GPR4: variants seen among roughly 807,000 people sequenced by gnomAD.
GPR4 encodes G protein-coupled receptor 4.
In GPR4, 11 loss-of-function variants were observed where a neutral mutation model predicts 17.8. The ratio of observed to expected loss-of-function variants is 0.62; its 90% CI spans 0.39 to 1.02. The LOEUF (loss-of-function observed/expected upper bound fraction) is 1.02, where lower values mean the gene tolerates loss of function less well. GPR4 is among the 50% of genes least tolerant of loss of function. The pLI is 0.00. For synonymous variants in GPR4, 219 were observed against 222.8 expected (o/e 0.98, Z 0.15); for missense variants, 364 against 495.4 (o/e 0.73, Z 2.52).
intron 1 of GPR4, among the ~76,000 whole-genome samples, chr19:45,595,241 A>G (rs1045168324): frequency 6.6e-6 from 1 of 152,086 alleles, no homozygotes; most frequent in Non-Finnish European, 1.5e-5. Context: ...GTGCCATTGC[A>G]CTACAGCCTG....
intron 1 of GPR4, among the ~76,000 whole-genome samples, chr19:45,600,813 G>A (rs1276365683): frequency 1.3e-5 from 2 of 152,116 alleles, no homozygotes; most frequent in East Asian, 1.9e-4. Context: ...CCTCTTTTTG[G>A]ATTGAAGGAC....
intron 1 of GPR4, among the ~76,000 whole-genome samples, chr19:45,594,038 G>T (rs1970026501): frequency 1.6e-5 from 1 of 62,948 alleles, no homozygotes; most frequent in South Asian, 5.7e-4. Context: ...GCACCACCAT[G>T]CCTGGCTTAA....
chr19:45,598,060 TCCCTCCCCTCTC>T (rs1970075894), intron 1 of GPR4, among the ~76,000 whole-genome samples: 1 of 151,354 alleles, frequency 6.6e-6, no homozygotes, highest in African/African-American at 2.4e-5. Context: ...CAAAATAACC[TCCCTCCCCTCTC>T]CTCTGCCCTC....
intron 1 of GPR4, among the ~76,000 whole-genome samples, chr19:45,600,363 T>G (rs1325660745): frequency 6.6e-6 from 1 of 152,120 alleles, no homozygotes; most frequent in African/African-American, 2.4e-5. Context: ...AAGCTGGAGT[T>G]AATCCCGGTT....
In GPR4 at chr19:45,591,611, C is replaced by G; in HGVS notation, c.256G>C (p.Gly86Arg). 6.2e-7 allele frequency: 1 copy of G among 1,614,068 alleles called. No individual in the cohort carries two copies. The highest frequency in any genetic ancestry group is 8.5e-7 in the Non-Finnish European group (1 of 1,180,006). Reference sequence around the variant, plus strand: ...CCAAAGAGCTTGCAGGACCCGGGGCCGTGGATCCAGTTGTCGTGGTGCAGG... The same window carrying G: ...CCAAAGAGCTTGCAGGACCCGGGGCGGTGGATCCAGTTGTCGTGGTGCAGG... The part of the protein sequence containing the change: ...YFLHHDNWIH[G>R]PGSCKLFGFI... Residue 86 changes from glycine (G) to arginine (R), a missense_variant, in exon 2 of 2, where the codon GGC becomes CGC. Physicochemically the swap from Gly to Arg is moderately radical, Grantham distance 125. Around this residue, in one of 3 missense-constraint regions of GPR4, gnomAD observed 271 missense variants for 373.1 expected, o/e 0.73. Transcript: ENST00000323040. This position sits in a 1 kb window ranked among gnomAD's most constrained non-coding sequence, Gnocchi z 7.6.
chr19:45,592,722 AG>A (rs1970011202), intron 1 of GPR4, 25 bp from the exon 2 acceptor site: 1 of 166,564 alleles, frequency 6.0e-6, no homozygotes, highest in Non-Finnish European at 1.5e-5. Flanking sequence ...GACAGCAGTG[AG>A]GGAGTCATGG....
chr19:45,599,426 A>ACC (rs374400386), intron 1 of GPR4, among the ~76,000 whole-genome samples: 32 of 79,608 alleles, frequency 4.0e-4, no homozygotes, highest in Non-Finnish European at 7.4e-4. Flanking sequence ...TGCTCCCACC[A>ACC]CCCCCCCCTC....
At chr19:45,600,818 A>G (rs373108653) in intron 1 of GPR4, among the ~76,000 whole-genome samples, 1 of 152,144 alleles carries the variant, frequency 6.6e-6, no homozygotes, top group South Asian at 2.1e-4. Context: ...TTTTGGATTG[A>G]AGGACTCCAG....
chr19:45,590,967 G>T lies in GPR4; in HGVS notation c.900C>A (p.Ala300=). Residue 300 remains alanine, a synonymous_variant, in exon 2 of 2, where the codon GCC becomes GCA. Coordinates refer to ENST00000323040, the MANE Select transcript of GPR4 (RefSeq NM_005282.3). ...NEGARSDVAK[A]LHNLLRFLAS... ...CCAGAAAGCGGAGCAGGTTGTGCAG[G>T]GCCTTGGCCACATCGCTGCGGGCGC... 6.2e-7 allele frequency: 1 copy of T among 1,613,998 alleles called. No individual in the cohort carries two copies. The highest frequency in any genetic ancestry group is 2.2e-5 in the East Asian group (1 of 44,888).
Position 45,591,259 on chromosome 19 carries a change from C to T in GPR4, c.608G>A (p.Gly203Asp). The T allele has an allele frequency of 6.2e-7, 1 of 1,613,150 alleles. No individual in the cohort carries two copies. The highest frequency in any genetic ancestry group is 8.5e-7 in the Non-Finnish European group (1 of 1,179,926). Residue 203 changes from glycine (G) to aspartate (D), a missense_variant, in exon 2 of 2, where the codon GGC becomes GAC. Gly to Asp is a moderately conservative substitution (Grantham distance 94). This residue lies in a region of GPR4 where 271 missense variants were observed against 373.1 expected (regional missense o/e 0.73). Transcript: ENST00000323040. This position sits in a 1 kb window ranked among gnomAD's most constrained non-coding sequence, Gnocchi z 7.6. ...GCTGCCCCGCACGGCCCGCAGGATG[C>T]CCCGGTACGACAGCAGCATGAGCGC... Reference protein sequence around the residue: ...PWALMLLSYRGILRAVRGSVS... With the variant: ...PWALMLLSYRDILRAVRGSVS...
At chr19:45,601,271 G>A (rs993053515) in intron 1 of GPR4, among the ~76,000 whole-genome samples, 4 of 152,214 alleles carry the variant, frequency 2.6e-5, no homozygotes, top group African/African-American at 9.7e-5. Flanking sequence ...AGCCTAGTTT[G>A]GGAGGAGGGG....
At chr19:45,593,365 G>A (rs545461516) in intron 1 of GPR4, among the ~76,000 whole-genome samples, 1 of 151,948 alleles carries the variant, frequency 6.6e-6, no homozygotes, top group South Asian at 2.1e-4. Context: ...TGGATGTGGT[G>A]GCACGTGCCT....
rs755596295 is a variant in GPR4, at chr19:45,591,859, T to A, written c.8A>T (p.Asn3Ile). The stretch of plus-strand genomic sequence containing the variant: ...CACGTGGCAGCCCTCCCACGTGTGG[T>A]TGCCCATGGTGGGCACTTCGGCTTC... MG[N>I]HTWEGCHVDS... is the part of the protein sequence containing the mutation. Residue 3 changes from asparagine to isoleucine, a missense_variant, in exon 2 of 2, where the codon AAC becomes ATC. By Grantham distance (149) the Asn-to-Ile change is moderately radical. This residue lies in a region of GPR4 where 271 missense variants were observed against 373.1 expected (regional missense o/e 0.73). Coordinates refer to ENST00000323040, the MANE Select transcript of GPR4 (RefSeq NM_005282.3). The surrounding 1 kb of genome is among the most constrained non-coding windows in gnomAD (Gnocchi z 7.6). 3 of 1,557,452 alleles carry A rather than the reference T, an allele frequency of 1.9e-6. No individual in the cohort carries two copies. The highest frequency in any genetic ancestry group is 2.6e-6 in the Non-Finnish European group (3 of 1,148,018).
At chr19:45,595,767 C>T (rs1432464892) in intron 1 of GPR4, among the ~76,000 whole-genome samples, 1 of 151,434 alleles carries the variant, frequency 6.6e-6, no homozygotes, top group Non-Finnish European at 1.5e-5. Flanking sequence ...AAGATCTTAA[C>T]CAGAAACCAA....
chr19:45,597,736 C>T (rs983451075), intron 1 of GPR4, among the ~76,000 whole-genome samples: 1 of 151,976 alleles, frequency 6.6e-6, no homozygotes, highest in Non-Finnish European at 1.5e-5. Context: ...CAGGCTCAAA[C>T]AAGGGCATGG....
At chr19:45,597,191 C>T (rs1215798600) in intron 1 of GPR4, among the ~76,000 whole-genome samples, 2 of 152,048 alleles carry the variant, frequency 1.3e-5, no homozygotes, top group South Asian at 2.1e-4. Context: ...GCCTTGGCTT[C>T]CTGAGTAGTT....
At chr19:45,597,289 G>A (rs960625498) in intron 1 of GPR4, among the ~76,000 whole-genome samples, 1 of 151,852 alleles carries the variant, frequency 6.6e-6, no homozygotes, top group Non-Finnish European at 1.5e-5. Context: ...GGTTGGTCTC[G>A]AACTCCTGTT....
At chr19:45,601,408 G>C (rs533184667) in intron 1 of GPR4, among the ~76,000 whole-genome samples, 1 of 152,082 alleles carries the variant, frequency 6.6e-6, no homozygotes, top group Non-Finnish European at 1.5e-5. Context: ...TGAAATTGGC[G>C]GGCGGGCTGG....
At chr19:45,595,311 AT>A (rs746237911) in intron 1 of GPR4, among the ~76,000 whole-genome samples, 8 of 143,266 alleles carry the variant, frequency 5.6e-5, no homozygotes, top group South Asian at 2.2e-4. Context: ...AAATAAATAA[AT>A]AAATAAAAAA....
Sources: gnomAD v4.1 joint callset for allele counts (sites outside exome capture counted in the v4.1 genomes callset) on GRCh38, gnomAD v4.1.1 for gene constraint, gnomAD v4.1.1 regional missense constraint, Gnocchi (gnomAD v3.1) non-coding constraint, MANE v1.5 for transcripts, NCBI Gene and HGNC (gene_info 2026-07-23, HGNC 2026-07-21) for gene names.